The following HPSE2 variants were observed in gnomAD, a reference collection of about 807,000 sequenced individuals.
HPSE2 encodes heparanase 2 (inactive), also known as inactive heparanase-2.
Under a neutral mutation model 60.5 loss-of-function variants are expected in HPSE2, and 38 were observed. The observed-to-expected ratio is 0.63, with a 90% CI of 0.48 to 0.82. HPSE2 has a LOEUF of 0.82. HPSE2 is among the 40% of genes least tolerant of loss of function. The probability of loss-of-function intolerance (pLI) is 0.00; values close to 1 mark genes in which losing one functional copy is unlikely to be tolerated. For synonymous variants in HPSE2, 295 were observed against 293.2 expected (o/e 1.01, Z -0.06); for missense variants, 713 against 740.4 (o/e 0.96, Z 0.43).
intron 9 of HPSE2, among the ~76,000 whole-genome samples, chr10:98,543,580 AC>A (rs1370382734): frequency 6.6e-6 from 1 of 152,136 alleles, no homozygotes; most frequent in African/African-American, 2.4e-5. Flanking sequence ...TATTCAGGAA[AC>A]CCATCTCACG....
chr10:99,068,322 T>G (rs1394367225), intron 3 of HPSE2, among the ~76,000 whole-genome samples: 1 of 152,188 alleles, frequency 6.6e-6, no homozygotes, highest in Non-Finnish European at 1.5e-5. Flanking sequence ...ATGTTGCTAA[T>G]AAAGACATAT....
Position 99,005,854 on chromosome 10 carries a change from G to A in HPSE2, c.610+138384C>T, listed in dbSNP as rs562592056. 2.6e-5 allele frequency among the ~76,000 whole-genome samples: 4 copies of A among 152,326 alleles called. No homozygotes were observed. In the South Asian group the frequency reaches 8.3e-4, roughly 32 times the overall value. Reference sequence around the variant, plus strand: ...TCCATCCAGAGATTCTGAGTAAGTTGTCTGGCATTCTGAGTAAGTTGTCCA... The same window carrying A: ...TCCATCCAGAGATTCTGAGTAAGTTATCTGGCATTCTGAGTAAGTTGTCCA... On this transcript the variant is annotated intron_variant, in intron 3 of 11. Transcript: ENST00000370552.
At chr10:98,818,080 G>GT (rs970681257) in intron 3 of HPSE2, among the ~76,000 whole-genome samples, 1 of 152,092 alleles carries the variant, frequency 6.6e-6, no homozygotes, top group African/African-American at 2.4e-5. Flanking sequence ...TGTGAATACC[G>GT]TATTTTCAAT....
chr10:99,002,967 CAT>C (rs1010975921), intron 3 of HPSE2, among the ~76,000 whole-genome samples: 1 of 151,984 alleles, frequency 6.6e-6, no homozygotes, highest in African/African-American at 2.4e-5. Flanking sequence ...ATCCTTTGTA[CAT>C]ATGTCTCCTA....
At chr10:99,210,723 T>C (rs578165982) in intron 2 of HPSE2, among the ~76,000 whole-genome samples, 14 of 152,302 alleles carry the variant, frequency 9.2e-5, no homozygotes, top group African/African-American at 3.4e-4. Flanking sequence ...TTTTATGCCC[T>C]TTTATGATAC....
At chr10:98,567,592 G>A (rs1944381999) in intron 9 of HPSE2, among the ~76,000 whole-genome samples, 1 of 152,158 alleles carries the variant, frequency 6.6e-6, no homozygotes, top group African/African-American at 2.4e-5. Context: ...GAGCAGATGG[G>A]AAAAGAGTCT....
chr10:99,136,322 C>T (rs57690546), intron 3 of HPSE2, among the ~76,000 whole-genome samples: 29 of 152,256 alleles, frequency 1.9e-4, no homozygotes, highest in African/African-American at 7.0e-4. Flanking sequence ...CAAAGAGGAA[C>T]AGGTACCATT....
chr10:98,687,513 G>A (rs147816150), intron 6 of HPSE2, among the ~76,000 whole-genome samples: 4 of 152,272 alleles, frequency 2.6e-5, no homozygotes, highest in East Asian at 1.9e-4. Context: ...CAGATGATTA[G>A]CAACTAATTC....
At chr10:98,996,609 C>T (rs1956646710) in intron 3 of HPSE2, among the ~76,000 whole-genome samples, 2 of 152,158 alleles carry the variant, frequency 1.3e-5, no homozygotes, top group Admixed American at 6.5e-5. Context: ...TATCCATCAA[C>T]AATTCAGACA....
At chr10:98,864,659 C>T (rs1378235940) in intron 3 of HPSE2, among the ~76,000 whole-genome samples, 2 of 152,094 alleles carry the variant, frequency 1.3e-5, no homozygotes, top group Non-Finnish European at 2.9e-5. Context: ...GCTAATAGGA[C>T]ACTCACAAAC....
At chr10:99,029,869 GA>G (rs1287290676) in intron 3 of HPSE2, among the ~76,000 whole-genome samples, 3 of 152,188 alleles carry the variant, frequency 2.0e-5, no homozygotes, top group Admixed American at 1.3e-4. Context: ...TCCCCCGGGG[GA>G]AAAGGAGACT....
intron 3 of HPSE2, among the ~76,000 whole-genome samples, chr10:98,769,347 T>G (rs898998897): frequency 6.6e-6 from 1 of 151,634 alleles, no homozygotes; most frequent in Non-Finnish European, 1.5e-5. Context: ...GAGGTGGGAG[T>G]TGGGGGATGA....
At chr10:98,897,004 T>C in intron 3 of HPSE2, among the ~76,000 whole-genome samples, 1 of 152,190 alleles carries the variant, frequency 6.6e-6, no homozygotes, top group East Asian at 1.9e-4. Context: ...CACTGGGACA[T>C]TCTGCCAAAC....
chr10:99,264,800 C>A, the HPSE2 span, among the ~76,000 whole-genome samples: 1 of 127,930 alleles, frequency 7.8e-6, no homozygotes, highest in Non-Finnish European at 1.8e-5. Context: ...TTCTAACAAC[C>A]CCACAGTATC....
chr10:98,589,205 T>G (rs1000615551), intron 9 of HPSE2, among the ~76,000 whole-genome samples: 1 of 152,214 alleles, frequency 6.6e-6, no homozygotes, highest in Non-Finnish European at 1.5e-5. Flanking sequence ...CACAATCCCA[T>G]GCATTGTATA....
chr10:98,546,535 C>CA (rs1385602675), intron 9 of HPSE2, among the ~76,000 whole-genome samples: 8 of 151,134 alleles, frequency 5.3e-5, no homozygotes, highest in Non-Finnish European at 8.9e-5. Flanking sequence ...ACAAACCTGA[C>CA]AAAAAAAAGC....
rs180803775 is a variant in HPSE2 at position 98,709,805 on chromosome 10, T to C, written c.956+11852A>G. 4.3e-3 allele frequency among the ~76,000 whole-genome samples: 656 copies of C among 152,286 alleles called. 3 individuals carry two copies. The highest frequency in any genetic ancestry group is 5.3e-3 in the Non-Finnish European group (358 of 68,014). ...GGCATATCACAGCTCTCTATTATAA[T>C]AAGGCCCATCTTTACTCATGGTCTT... On this transcript the variant is annotated intron_variant, in intron 5 of 11. Transcript: ENST00000370552.
At chr10:99,264,162 ACTGCAAGCT>A in the HPSE2 span, among the ~76,000 whole-genome samples, 74,274 of 150,394 alleles carry the variant, frequency 0.49, 21,413 homozygotes, top group Non-Finnish European at 0.64. Context: ...ATCTCGGTTC[ACTGCAAGCT>A]CTGCCTCCCG....
chr10:98,631,554 C>T (rs1216813344), intron 7 of HPSE2, among the ~76,000 whole-genome samples: 1 of 152,234 alleles, frequency 6.6e-6, no homozygotes, highest in African/African-American at 2.4e-5. Flanking sequence ...TTAGGACAAA[C>T]CCTATAATCC....
Sources: gnomAD v4.1 joint callset for allele counts (sites outside exome capture counted in the v4.1 genomes callset) on GRCh38, gnomAD v4.1.1 for gene constraint, MANE v1.5 for transcripts, NCBI Gene and HGNC (gene_info 2026-07-23, HGNC 2026-07-21) for gene names.